INSYN1: variants seen among roughly 807,000 people sequenced by gnomAD.
INSYN1 encodes the protein UPF0583 protein C15orf59.
A neutral mutation model predicts 17.1 loss-of-function variants in INSYN1; 7 were observed. The ratio of observed to expected loss-of-function variants is 0.41; its 90% CI spans 0.23 to 0.77. INSYN1 has a LOEUF of 0.77. Ranked by LOEUF, INSYN1 falls within the 30% of genes least tolerant of loss-of-function variation. The probability of loss-of-function intolerance (pLI) is 0.32; values close to 1 mark genes in which losing one functional copy is unlikely to be tolerated. For missense variants in INSYN1, 339 were observed against 400.6 expected (o/e 0.85, Z 1.31); for synonymous variants, 174 against 166.3 (o/e 1.05, Z -0.36).
rs200581280 is a variant in INSYN1 at position 73,740,061 on chromosome 15, G to C, written c.738C>G (p.Thr246=). The stretch of plus-strand genomic sequence containing the variant: ...CCAAGGTAGAGCCTGAGTGGCGGCT[G>C]GTCAGTGGAGAGCGCCGTGACTTGT... The part of the protein sequence containing the change: ...APYKSRRSPL[T]SRHSGSTLAP... The change falls in exon 3 of 3, where the codon ACC becomes ACG. Residue 246 remains threonine, a synonymous_variant. Coordinates refer to ENST00000569673, the MANE Select transcript of INSYN1 (RefSeq NM_001039614.3). 1.2e-6 allele frequency: 2 copies of C among 1,613,574 alleles called. No individual in the cohort carries two copies. The highest frequency in any genetic ancestry group is 1.7e-5 in the Admixed American group (1 of 59,990).
At chr15:73,744,650 T>C (rs1901775239) in intron 2 of INSYN1, among the ~76,000 whole-genome samples, 1 of 152,190 alleles carries the variant, frequency 6.6e-6, no homozygotes, top group Middle Eastern at 3.2e-3. Context: ...CTGTGATTTT[T>C]CCCTGAGGTT....
chr15:73,743,093 G>A (rs1901729816), intron 2 of INSYN1, among the ~76,000 whole-genome samples: 1 of 152,224 alleles, frequency 6.6e-6, no homozygotes, highest in South Asian at 2.1e-4. Flanking sequence ...CAGAGCTGTG[G>A]AGTTTGCTGC....
intron 2 of INSYN1, among the ~76,000 whole-genome samples, chr15:73,745,220 A>G (rs1427134268): frequency 1.3e-5 from 2 of 150,484 alleles, no homozygotes; most frequent in Non-Finnish European, 3.0e-5. Flanking sequence ...TACTCCCCAA[A>G]CTCCTAAGCC....
In INSYN1 at chr15:73,736,920, CAAG is replaced by C. The variant is rs1901544375; in HGVS notation, c.*2994_*2996del. On this transcript the variant is annotated 3_prime_UTR_variant, in exon 3 of 3. Coordinates refer to ENST00000569673, the MANE Select transcript of INSYN1 (RefSeq NM_001039614.3). ...AAAAAAAAACAAAACAAAACAAAAACAAGAAAAAGGAAGCCACAGGGATCCCAC... is the reference window on the plus strand; with the variant it reads ...AAAAAAAAACAAAACAAAACAAAAACAAAAAGGAAGCCACAGGGATCCCAC... 1 of 152,814 alleles carries C rather than the reference CAAG, an allele frequency of 6.5e-6. No homozygotes were observed. Among genetic ancestry groups the C allele is most frequent in the African/African-American group, 2.4e-5 (1 of 41,378 alleles). The allele number at this position is 152,814 out of a possible 1,614,324, so 9.5% of individuals were successfully genotyped here.
At position 73,737,046 on chromosome 15, in the gene INSYN1, C is replaced by G. The variant is rs1901547947; in HGVS notation, c.*2871G>C. On this transcript the variant is annotated 3_prime_UTR_variant, in exon 3 of 3. Coordinates refer to ENST00000569673, the MANE Select transcript of INSYN1 (RefSeq NM_001039614.3). ...CCCCCTCCTCCAGGATATACTCCCA[C>G]CACTGCCCTATTTGGGGGCAAATGG... The G allele has an allele frequency of 1.3e-5, 2 of 152,484 alleles. No individual in the cohort carries two copies. The highest frequency in any genetic ancestry group is 4.8e-5 in the African/African-American group (2 of 41,456). The allele number at this position is 152,484 out of a possible 1,614,324, so 9.4% of individuals were successfully genotyped here.
intron 2 of INSYN1, among the ~76,000 whole-genome samples, chr15:73,748,553 T>TA (rs992659730): frequency 2.6e-5 from 4 of 151,934 alleles, no homozygotes; most frequent in South Asian, 2.1e-4. Flanking sequence ...ATGCCCCCGA[T>TA]AAAAAAATGC....
chr15:73,740,308 G>C lies in INSYN1; in HGVS notation c.491C>G (p.Ala164Gly). The C allele has an allele frequency of 1.2e-6, 2 of 1,612,764 alleles. No homozygotes were observed. The highest frequency in any genetic ancestry group is 1.7e-6 in the Non-Finnish European group (2 of 1,179,462). ...CTTCACCGTGGGGCCAGCACCAAAG[G>C]CCTCCTCACTGGAGGAGTCTGGGGT... ...VETPDSSSEE[A>G]FGAGPTVKSQ... The change falls in exon 3 of 3, where the codon GCC becomes GGC. Residue 164 changes from alanine (A) to glycine (G), a missense_variant. Coordinates refer to ENST00000569673, the MANE Select transcript of INSYN1 (RefSeq NM_001039614.3).
intron 2 of INSYN1, among the ~76,000 whole-genome samples, chr15:73,746,690 C>T (rs948476526): frequency 6.6e-6 from 1 of 152,298 alleles, no homozygotes; most frequent in African/African-American, 2.4e-5. Context: ...CAACTGTGCC[C>T]TTAAGTTATA....
rs1478587420 is a variant in INSYN1 at position 73,752,309 on chromosome 15, G to C, written c.-767C>G. On this transcript the variant is annotated 5_prime_UTR_variant, in exon 1 of 3. Coordinates refer to ENST00000569673, the MANE Select transcript of INSYN1 (RefSeq NM_001039614.3). The surrounding 1 kb of genome is among the most constrained non-coding windows in gnomAD (Gnocchi z 5.2). ...GCGGGGCCTCCGCGCTCCAGGGAAG[G>C]GGGCAGGAAAAATCTTTCTCAAGCC... 2 of 152,360 alleles carry C rather than the reference G, an allele frequency of 1.3e-5. No individual in the cohort carries two copies. Among genetic ancestry groups the C allele is most frequent in the African/African-American group, 4.8e-5 (2 of 41,580 alleles). The allele number at this position is 152,360 out of a possible 1,614,324, so 9.4% of individuals were successfully genotyped here.
Position 73,752,398 on chromosome 15 carries a change from T to C in INSYN1, c.-856A>G, listed in dbSNP as rs1450703789. On this transcript the variant is annotated 5_prime_UTR_variant, in exon 1 of 3. Transcript: ENST00000569673. The surrounding 1 kb of genome is among the most constrained non-coding windows in gnomAD (Gnocchi z 5.2). ...AGATTTGGGGCTCCGAGGCCACAGGTGACCGGGGCGCGGGGAGGCCGAGGA... is the reference window on the plus strand; with the variant it reads ...AGATTTGGGGCTCCGAGGCCACAGGCGACCGGGGCGCGGGGAGGCCGAGGA... 1 of 152,092 alleles carries C rather than the reference T, an allele frequency of 6.6e-6. No individual in the cohort carries two copies. The highest frequency in any genetic ancestry group is 2.4e-5 in the African/African-American group (1 of 41,362). The allele number at this position is 152,092 out of a possible 1,614,324, so 9.4% of individuals were successfully genotyped here.
In INSYN1 at chr15:73,740,077, C is replaced by A; in HGVS notation, c.722G>T (p.Arg241Leu). The change falls in exon 3 of 3, where the codon CGG (arginine) becomes CTG (leucine). Residue 241 changes from arginine (R) to leucine (L), a missense_variant. Arg to Leu is a moderately radical substitution (Grantham distance 102, BLOSUM62 -2). Transcript: ENST00000569673. ...HKPSPAPYKS[R>L]RSPLTSRHSG... ...GTGGCGGCTGGTCAGTGGAGAGCGC[C>A]GTGACTTGTAGGGGGCTGGGGAGGG... 1 of 1,613,660 alleles carries A rather than the reference C, an allele frequency of 6.2e-7. No homozygotes were observed.
intron 2 of INSYN1, among the ~76,000 whole-genome samples, chr15:73,750,770 C>T (rs572871622): frequency 2.6e-5 from 4 of 152,300 alleles, no homozygotes; most frequent in Middle Eastern, 3.4e-3. Context: ...TCTACAACAC[C>T]GAGGCCCCTC....
intron 2 of INSYN1, among the ~76,000 whole-genome samples, chr15:73,747,766 T>C (rs922237993): frequency 6.6e-6 from 1 of 152,176 alleles, no homozygotes; most frequent in African/African-American, 2.4e-5. Flanking sequence ...TCTACAGAAC[T>C]TTGAGGAGCT....
chr15:73,753,282 G>A lies in INSYN1; in HGVS notation c.-1740C>T, dbSNP rs1465826473. On this transcript the variant is annotated 5_prime_UTR_variant, in exon 1 of 3. Coordinates refer to ENST00000569673, the MANE Select transcript of INSYN1 (RefSeq NM_001039614.3). This position sits in a 1 kb window ranked among gnomAD's most constrained non-coding sequence, Gnocchi z 4.2. The stretch of plus-strand genomic sequence containing the variant: ...CCCGCCGGACTGGCCGCCCGGGCGG[G>A]CGCTGGCTCCCTTAAAGGCCGCCCG... Among the ~76,000 whole-genome samples, 3 of 149,270 alleles carry A rather than the reference G, an allele frequency of 2.0e-5. No homozygotes were observed. Among genetic ancestry groups the A allele is most frequent in the East Asian group, 2.0e-4 (1 of 5,010 alleles).
intron 2 of INSYN1, among the ~76,000 whole-genome samples, chr15:73,748,419 C>A (rs995940449): frequency 6.6e-6 from 1 of 152,182 alleles, no homozygotes; most frequent in African/African-American, 2.4e-5. Flanking sequence ...ATGTGACTCT[C>A]ATCTCCACTT....
intron 2 of INSYN1, among the ~76,000 whole-genome samples, 173 bp downstream of exon 2, chr15:73,750,802 T>C (rs965379920): frequency 6.6e-6 from 1 of 152,126 alleles, no homozygotes; most frequent in Non-Finnish European, 1.5e-5. Context: ...TCTGATGAGA[T>C]TTTTAGCAAA....
In INSYN1 at chr15:73,751,222, G is replaced by A; in HGVS notation, c.-92C>T. 1.3e-6 allele frequency: 2 copies of A among 1,486,656 alleles called. No individual in the cohort carries two copies. The highest frequency in any genetic ancestry group is 9.1e-7 in the Non-Finnish European group (1 of 1,099,184). 92.1% of individuals were successfully genotyped at this position (1,486,656 alleles called of 1,614,324 possible). ...ACGGAGCCCCCCTCGGCTGGGCAGA[G>A]CTCCACATTTTAACGGCCCCCCAGC... is the stretch of plus-strand genomic sequence containing the variant. On this transcript the variant is annotated 5_prime_UTR_variant, in exon 2 of 3. Transcript: ENST00000569673.
chr15:73,742,831 G>C (rs1297423989), intron 2 of INSYN1, among the ~76,000 whole-genome samples: 2 of 152,152 alleles, frequency 1.3e-5, no homozygotes, highest in South Asian at 4.1e-4. Context: ...ACTCAGACTT[G>C]AGTGTCCCTC....
In INSYN1 at chr15:73,740,238, C is replaced by G. The variant is rs768058085; in HGVS notation, c.561G>C (p.Arg187=). ...QRTPGTRERV[R]FSDKVLYHAL... is the part of the protein sequence containing the mutation. Reference sequence around the variant, plus strand: ...CATGGTAGAGCACTTTGTCACTGAACCGCACCCTCTCCCGTGTCCCTGGGG... The same window carrying G: ...CATGGTAGAGCACTTTGTCACTGAAGCGCACCCTCTCCCGTGTCCCTGGGG... Residue 187 remains arginine, a synonymous_variant, in exon 3 of 3, where the codon CGG becomes CGC. Transcript: ENST00000569673. The G allele has an allele frequency of 1.2e-6, 2 of 1,614,058 alleles. No individual in the cohort carries two copies. Among genetic ancestry groups the G allele is most frequent in the South Asian group, 2.2e-5 (2 of 91,090 alleles).
Sources: allele counts gnomAD v4.1 joint callset (sites outside exome capture counted in the v4.1 genomes callset), GRCh38; gene constraint gnomAD v4.1.1; non-coding constraint Gnocchi (gnomAD v3.1); transcripts MANE v1.5; gene names NCBI Gene and HGNC (gene_info 2026-07-23, HGNC 2026-07-21).